The following SLC16A13 variants were observed in gnomAD, a reference collection of about 807,000 sequenced individuals.
SLC16A13 encodes solute carrier family 16 member 13.
In SLC16A13, 28 loss-of-function variants were observed where a neutral mutation model predicts 28.1. The ratio of observed to expected loss-of-function variants is 1.00; its 90% confidence interval spans 0.74 to 1.37. The LOEUF is 1.37. Ranked by LOEUF, SLC16A13 falls within the 40% of genes most tolerant of loss-of-function variation. The pLI is 0.00. For synonymous variants in SLC16A13, 228 were observed against 241.6 expected, an observed-to-expected ratio of 0.94 and a Z score of 0.52; for missense variants, 482 against 531.8, an observed-to-expected ratio of 0.91 and a Z score of 0.92.
intron 1 of SLC16A13, 40 bp from the exon 2 acceptor site, chr17:7,036,687 C>A (rs1394790647): frequency 1.2e-6 from 2 of 1,608,032 alleles, no homozygotes; most frequent in East Asian, 2.2e-5. Flanking sequence ...GGGGGGGAGA[C>A]CCCTGAGATC....
chr17:7,039,661 C>T lies in SLC16A13; in HGVS notation c.1082-102C>T. On this transcript the variant is annotated intron_variant, in intron 3 of 3. Transcript: ENST00000308027. This position sits in a 1 kb window ranked among gnomAD's most constrained non-coding sequence, Gnocchi z 4.3. ...CAACTATTCCATGGGAGTTCCAACT[C>T]CTCTGAGATGATAAGTCTTCCCTCC... The T allele has an allele frequency of 8.1e-7, 1 of 1,238,808 alleles. No individual in the cohort carries two copies. The highest frequency in any genetic ancestry group is 1.2e-6 in the Non-Finnish European group (1 of 862,988). The allele number at this position is 1,238,808 out of a possible 1,614,324, so 76.7% of individuals were successfully genotyped here.
At chr17:7,037,498 G>A (rs1910614756) in intron 2 of SLC16A13, among the ~76,000 whole-genome samples, 2 of 151,778 alleles carry the variant, frequency 1.3e-5, no homozygotes, top group Admixed American at 6.6e-5. Flanking sequence ...AGGCCGAGGC[G>A]GGCGGATCAC....
rs775822831 is a variant in SLC16A13 at position 7,036,791 on chromosome 17, C to G, written c.264C>G (p.Ile88Met). The change falls in exon 2 of 4, where the codon ATC becomes ATG. Residue 88 changes from isoleucine (I) to methionine (M), a missense_variant. Coordinates refer to ENST00000308027, the MANE Select transcript of SLC16A13 (RefSeq NM_201566.3). ...GPRPVVMTGG[I>M]LAALGMLLAS... ...GGCCCGTGGTGATGACTGGAGGCATCTTGGCTGCGCTGGGGATGCTGCTCG... is the reference window on the plus strand; with the variant it reads ...GGCCCGTGGTGATGACTGGAGGCATGTTGGCTGCGCTGGGGATGCTGCTCG... The G allele has an allele frequency of 1.2e-6, 2 of 1,613,988 alleles. No individual in the cohort carries two copies. Among genetic ancestry groups the G allele is most frequent in the Non-Finnish European group, 1.7e-6 (2 of 1,180,044 alleles).
chr17:7,036,580 G>A lies in SLC16A13; in HGVS notation c.198G>A (p.Gly66=), dbSNP rs1567731957. 1.2e-6 allele frequency: 2 copies of A among 1,612,370 alleles called. No individual in the cohort carries two copies. The highest frequency in any genetic ancestry group is 1.3e-5 in the African/African-American group (1 of 75,004). Residue 66 remains glycine (G), a splice_region_variant and synonymous_variant, in exon 1 of 4, where the codon GGG becomes GGA. Transcript: ENST00000308027. The part of the protein sequence containing the change: ...ASIGIAVQQF[G]SPVGSALSTK... ...TAGGAATCGCGGTGCAGCAGTTTGG[G>A]AGTGAGTGCGGCGCCTGGATCTGGC...
At position 7,036,567 on chromosome 17, in the gene SLC16A13, T is replaced by C. The variant is rs749255569; in HGVS notation, c.185T>C (p.Val62Ala). ...TGGATCGCCTCCATAGGAATCGCGG[T>C]GCAGCAGTTTGGGAGTGAGTGCGGC... ...VSWIASIGIA[V>A]QQFGSPVGSA... The change falls in exon 1 of 4, where the codon GTG becomes GCG. Residue 62 changes from valine to alanine, a missense_variant. Transcript: ENST00000308027. The C allele has an allele frequency of 1.2e-6, 2 of 1,612,314 alleles. No individual in the cohort carries two copies. Among genetic ancestry groups the C allele is most frequent in the Non-Finnish European group, 1.7e-6 (2 of 1,180,002 alleles).
In SLC16A13 at chr17:7,039,027, T is replaced by C; in HGVS notation, c.1081+138T>C. 1 of 1,166,088 alleles carries C rather than the reference T, an allele frequency of 8.6e-7. No individual in the cohort carries two copies. The highest frequency in any genetic ancestry group is 2.7e-4 in the Middle Eastern group (1 of 3,694). 72.2% of individuals were successfully genotyped at this position (1,166,088 alleles called of 1,614,324 possible). ...ACAGCCTGCGTGGCCAACCATAGCA[T>C]CCCTGAAATGGGTCCATGGGGCAAA... On this transcript the variant is annotated intron_variant, in intron 3 of 3. Transcript: ENST00000308027. The surrounding 1 kb of genome is among the most constrained non-coding windows in gnomAD (Gnocchi z 4.3).
In SLC16A13 at chr17:7,038,010, A is replaced by G. The variant is rs80129605; in HGVS notation, c.344-142A>G. 2,812 of 981,406 alleles carry G rather than the reference A, an allele frequency of 2.9e-3. 93 individuals carry two copies. The East Asian group carries it at 0.058, about 20-fold the overall frequency. The allele number at this position is 981,406 out of a possible 1,614,324, so 60.8% of individuals were successfully genotyped here. ...GTAAAACACACAAGGTTACACAGCT[A>G]TGAAGTATCCAAGCCAAGATTGTAT... On this transcript the variant is annotated intron_variant, in intron 2 of 3. Transcript: ENST00000308027. The surrounding 1 kb of genome is among the most constrained non-coding windows in gnomAD (Gnocchi z 5.7).
At position 7,036,430 on chromosome 17, in the gene SLC16A13, G is replaced by A; in HGVS notation, c.48G>A (p.Val16=). ...EPPDGGWGWV[V]VLSAFFQSAL... Reference sequence around the variant, plus strand: ...CCGACGGGGGCTGGGGATGGGTGGTGGTGCTCTCAGCGTTCTTCCAGTCGG... The same window carrying A: ...CCGACGGGGGCTGGGGATGGGTGGTAGTGCTCTCAGCGTTCTTCCAGTCGG... Residue 16 remains valine (V), a synonymous_variant, in exon 1 of 4, where the codon GTG becomes GTA. Coordinates refer to ENST00000308027, the MANE Select transcript of SLC16A13 (RefSeq NM_201566.3). The A allele has an allele frequency of 6.2e-7, 1 of 1,612,262 alleles. No individual in the cohort carries two copies. The highest frequency in any genetic ancestry group is 1.1e-5 in the South Asian group (1 of 91,000).
chr17:7,039,913 C>G lies in SLC16A13; in HGVS notation c.1232C>G (p.Ala411Gly). Residue 411 changes from alanine (A) to glycine (G), a missense_variant, in exon 4 of 4, where the codon GCA (alanine) becomes GGA (glycine). Physicochemically the swap from Ala to Gly is moderately conservative, Grantham distance 60. Transcript: ENST00000308027. The surrounding 1 kb of genome is among the most constrained non-coding windows in gnomAD (Gnocchi z 4.3). The stretch of plus-strand genomic sequence containing the variant: ...GGGCCCCAGGACCTTGTAACAGAAG[C>G]ACTAGATACTAAAGTTCCCCTACCC... ...TSGPQDLVTE[A>G]LDTKVPLPKE... 6.2e-7 allele frequency: 1 copy of G among 1,614,084 alleles called. No homozygotes were observed. The highest frequency in any genetic ancestry group is 8.5e-7 in the Non-Finnish European group (1 of 1,180,036).
In SLC16A13 at chr17:7,039,431, G is replaced by A. The variant is rs1206963467; in HGVS notation, c.1082-332G>A. Reference sequence around the variant, plus strand: ...GCTGAGATCGCGCCACTGCACTTCAGCCTGGGCGACAGAGCGAGACTCCGT... The same window carrying A: ...GCTGAGATCGCGCCACTGCACTTCAACCTGGGCGACAGAGCGAGACTCCGT... On this transcript the variant is annotated intron_variant, in intron 3 of 3. Transcript: ENST00000308027. The surrounding 1 kb of genome is among the most constrained non-coding windows in gnomAD (Gnocchi z 4.3). Among the ~76,000 whole-genome samples, 1 of 149,878 alleles carries A rather than the reference G, an allele frequency of 6.7e-6. No homozygotes were observed. Among genetic ancestry groups the A allele is most frequent in the East Asian group, 2.0e-4 (1 of 5,120 alleles).
In SLC16A13 at chr17:7,038,962, A is replaced by G; in HGVS notation, c.1081+73A>G. On this transcript the variant is annotated intron_variant, in intron 3 of 3. Transcript: ENST00000308027. This position sits in a 1 kb window ranked among gnomAD's most constrained non-coding sequence, Gnocchi z 5.7. ...ACTAGGGGAGGGTACTATTCTCATT[A>G]CAGTGTATGTGAATATTGCCCTCTG... 2 of 1,516,080 alleles carry G rather than the reference A, an allele frequency of 1.3e-6. No homozygotes were observed. The highest frequency in any genetic ancestry group is 1.8e-6 in the Non-Finnish European group (2 of 1,132,962). 93.9% of individuals were successfully genotyped at this position (1,516,080 alleles called of 1,614,324 possible).
chr17:7,036,028 C>A lies in SLC16A13; in HGVS notation c.-355C>A, dbSNP rs1168421821. 1 of 213,174 alleles carries A rather than the reference C, an allele frequency of 4.7e-6. No individual in the cohort carries two copies. The highest frequency in any genetic ancestry group is 9.4e-6 in the Non-Finnish European group (1 of 105,902). 13.2% of individuals were successfully genotyped at this position (213,174 alleles called of 1,614,324 possible). ...AATAGATCATCTACACGGAAACTGG[C>A]GCGCTCCAGGGGTGGGGCCCAAACT... On this transcript the variant is annotated 5_prime_UTR_variant, in exon 1 of 4. Transcript: ENST00000308027.
In SLC16A13 at chr17:7,036,240, G is replaced by A. The variant is rs1023798079; in HGVS notation, c.-143G>A. 5 of 785,530 alleles carry A rather than the reference G, an allele frequency of 6.4e-6. No individual in the cohort carries two copies. In the Admixed American group the frequency reaches 1.1e-4, roughly 18 times the overall value. 48.7% of individuals were successfully genotyped at this position (785,530 alleles called of 1,614,324 possible). ...AGGTGCAGGGGCCTCTCGCCGCCTC[G>A]TCGGGCCCTTCCTCTCTACCTGCCT... On this transcript the variant is annotated 5_prime_UTR_variant, in exon 1 of 4. Transcript: ENST00000308027.
In SLC16A13 at chr17:7,036,357, G is replaced by A; in HGVS notation, c.-26G>A. ...AACCCGGCTCCTGCAGAGGCTCTGG[G>A]TGGCAGCAGCCCTGTTACCGCTTAG... On this transcript the variant is annotated 5_prime_UTR_variant, in exon 1 of 4. The change creates a new upstream start codon in the 5' untranslated region. Coordinates refer to ENST00000308027, the MANE Select transcript of SLC16A13 (RefSeq NM_201566.3). 1.3e-6 allele frequency: 2 copies of A among 1,589,942 alleles called. No individual in the cohort carries two copies. Among genetic ancestry groups the A allele is most frequent in the South Asian group, 1.1e-5 (1 of 89,380 alleles).
chr17:7,039,579 G>C lies in SLC16A13; in HGVS notation c.1082-184G>C, dbSNP rs1770464191. Among the ~76,000 whole-genome samples, 1 of 152,186 alleles carries C rather than the reference G, an allele frequency of 6.6e-6. No homozygotes were observed. The highest frequency in any genetic ancestry group is 6.5e-5 in the Admixed American group (1 of 15,276). On this transcript the variant is annotated intron_variant, in intron 3 of 3. Transcript: ENST00000308027. This position sits in a 1 kb window ranked among gnomAD's most constrained non-coding sequence, Gnocchi z 4.3. Reference sequence around the variant, plus strand: ...TGGAGGTCCTTTCTGAAGGCGGGGAGGTGGTTGAAATTAACTTTTGAGGCC... The same window carrying C: ...TGGAGGTCCTTTCTGAAGGCGGGGACGTGGTTGAAATTAACTTTTGAGGCC...
rs1567732079 is a variant in SLC16A13, at chr17:7,036,871, G to GTGC, written c.343+3_343+4insCTG. 5 of 1,611,696 alleles carry GTGC rather than the reference G, an allele frequency of 3.1e-6. No homozygotes were observed. The highest frequency in any genetic ancestry group is 1.7e-5 in the Admixed American group (1 of 59,998). ...TACCTGAGTATTGGGTTGCTGTCAGGTGAGAGCCTGCACAAGGGCAGGAGA... is the reference window on the plus strand; with the variant it reads ...TACCTGAGTATTGGGTTGCTGTCAGGTGCTGAGAGCCTGCACAAGGGCAGGAGA... On this transcript the variant is annotated splice_donor_variant, in intron 2 of 3. Transcript: ENST00000308027. LOFTEE classifies it high-confidence loss of function.
Position 7,039,087 on chromosome 17 carries a change from A to G in SLC16A13, c.1081+198A>G, listed in dbSNP as rs1350628619. 3.3e-5 allele frequency among the ~76,000 whole-genome samples: 5 copies of G among 152,204 alleles called. No homozygotes were observed. The highest frequency in any genetic ancestry group is 1.2e-4 in the African/African-American group (5 of 41,454). On this transcript the variant is annotated intron_variant, in intron 3 of 3. Coordinates refer to ENST00000308027, the MANE Select transcript of SLC16A13 (RefSeq NM_201566.3). This position sits in a 1 kb window ranked among gnomAD's most constrained non-coding sequence, Gnocchi z 4.3. ...GCTGGGAAAGTCTGAGTGGAAAGAC[A>G]AAAAGAAGCTAAGTGGAACCCTTGG...
Position 7,038,062 on chromosome 17 carries a change from G to A in SLC16A13, c.344-90G>A. On this transcript the variant is annotated intron_variant, in intron 2 of 3. Transcript: ENST00000308027. The surrounding 1 kb of genome is among the most constrained non-coding windows in gnomAD (Gnocchi z 5.7). ...CCAGGTCTGTGGGACTCCGAAGCAAGTGCTACATTCTGCTGCTGGGCAATG... is the reference window on the plus strand; with the variant it reads ...CCAGGTCTGTGGGACTCCGAAGCAAATGCTACATTCTGCTGCTGGGCAATG... 1 of 1,455,460 alleles carries A rather than the reference G, an allele frequency of 6.9e-7. No homozygotes were observed. Among genetic ancestry groups the A allele is most frequent in the Non-Finnish European group, 9.3e-7 (1 of 1,079,488 alleles). The allele number at this position is 1,455,460 out of a possible 1,614,324, so 90.2% of individuals were successfully genotyped here.
chr17:7,038,117 A>G lies in SLC16A13; in HGVS notation c.344-35A>G. 1 of 1,586,512 alleles carries G rather than the reference A, an allele frequency of 6.3e-7. No individual in the cohort carries two copies. Among genetic ancestry groups the G allele is most frequent in the Non-Finnish European group, 8.6e-7 (1 of 1,166,794 alleles). On this transcript the variant is annotated intron_variant, in intron 2 of 3. Transcript: ENST00000308027. This position sits in a 1 kb window ranked among gnomAD's most constrained non-coding sequence, Gnocchi z 5.7. ...GATTACTGTGTGCCTTGAGCTCCCT[A>G]AGAGTTCTCAACACCACTTCTTCCT...
Sources: gnomAD v4.1 joint callset for allele counts (sites outside exome capture counted in the v4.1 genomes callset) on GRCh38, gnomAD v4.1.1 for gene constraint, Gnocchi (gnomAD v3.1) non-coding constraint, MANE v1.5 for transcripts, NCBI Gene and HGNC (gene_info 2026-07-23, HGNC 2026-07-21) for gene names.